Variants in EIF2AK1 observed in about 807,000 individuals in gnomAD.
The protein encoded by EIF2AK1 is eukaryotic translation initiation factor 2 alpha kinase 1.
Under a neutral mutation model 77.9 loss-of-function variants are expected in EIF2AK1, and 54 were observed. The observed-to-expected ratio is 0.69, with a 90% CI of 0.56 to 0.87. EIF2AK1 has a LOEUF of 0.87. Ranked by LOEUF, EIF2AK1 falls within the 40% of genes least tolerant of loss-of-function variation. The pLI is 0.00. For synonymous variants in EIF2AK1, 314 were observed against 290.5 expected, an observed-to-expected ratio of 1.08 and a Z score of -0.82; for missense variants, 810 against 768.6, an observed-to-expected ratio of 1.05 and a Z score of -0.64.
intron 1 of EIF2AK1, chr7:6,058,078 C>T: frequency 2.2e-6 from 1 of 453,128 alleles, no homozygotes; most frequent in South Asian, 1.6e-5. Flanking sequence ...TGCTAAGTAA[C>T]TTAGCTACCC....
chr7:6,035,755 C>T lies in EIF2AK1; in HGVS notation c.1332+1669G>A. 2 of 1,551,102 alleles carry T rather than the reference C, an allele frequency of 1.3e-6. No individual in the cohort carries two copies. The highest frequency in any genetic ancestry group is 1.7e-6 in the Non-Finnish European group (2 of 1,147,128). On this transcript the variant is annotated intron_variant, in intron 11 of 14. Transcript: ENST00000199389. This position sits in a 1 kb window ranked among gnomAD's most constrained non-coding sequence, Gnocchi z 5.5. ...AGCATGACACCCCTTCACATGGCCGCAAACATGCTGAATAAGGAGATGATG... is the reference window on the plus strand; with the variant it reads ...AGCATGACACCCCTTCACATGGCCGTAAACATGCTGAATAAGGAGATGATG...
In EIF2AK1 at chr7:6,036,240, C is replaced by G; in HGVS notation, c.1332+1184G>C. ...AAGGGACACCCTAATAAAGCAATCG[C>G]AAAAACCTTTATCCCTACAGGGTAT... is the stretch of plus-strand genomic sequence containing the variant. On this transcript the variant is annotated intron_variant, in intron 11 of 14. Coordinates refer to ENST00000199389, the MANE Select transcript of EIF2AK1 (RefSeq NM_014413.4). This position sits in a 1 kb window ranked among gnomAD's most constrained non-coding sequence, Gnocchi z 4.6. 1.3e-6 allele frequency: 2 copies of G among 1,549,342 alleles called. No homozygotes were observed. The highest frequency in any genetic ancestry group is 1.7e-6 in the Non-Finnish European group (2 of 1,146,672).
chr7:6,027,822 T>C lies in EIF2AK1; in HGVS notation c.1530+793A>G. On this transcript the variant is annotated intron_variant, in intron 13 of 14. Coordinates refer to ENST00000199389, the MANE Select transcript of EIF2AK1 (RefSeq NM_014413.4). The surrounding 1 kb of genome is among the most constrained non-coding windows in gnomAD (Gnocchi z 4.5). ...GGTTCATGCCTTAATCCCAGCACTT[T>C]GGGAGGCCAAGGGAGGAGAATCATT... The C allele has an allele frequency of 2.9e-6, 1 of 346,836 alleles. No homozygotes were observed. Among genetic ancestry groups the C allele is most frequent in the South Asian group, 2.1e-5 (1 of 47,684 alleles). The allele number at this position is 346,836 out of a possible 1,614,324, so 21.5% of individuals were successfully genotyped here.
At chr7:6,037,827 G>A (rs144770385) in intron 10 of EIF2AK1, among the ~76,000 whole-genome samples, 3 of 151,332 alleles carry the variant, frequency 2.0e-5, no homozygotes, top group Non-Finnish European at 4.4e-5. Context: ...AATAATTCTC[G>A]GGTATCAGGC....
intron 6 of EIF2AK1, among the ~76,000 whole-genome samples, chr7:6,045,230 C>T (rs143374193): frequency 2.0e-5 from 3 of 152,020 alleles, no homozygotes; most frequent in Admixed American, 6.6e-5. Flanking sequence ...CTCAGCCTCC[C>T]GAGCAGCTGG....
intron 1 of EIF2AK1, among the ~76,000 whole-genome samples, chr7:6,057,821 G>A (rs1439328756): frequency 4.6e-5 from 7 of 152,062 alleles, no homozygotes; most frequent in Admixed American, 4.6e-4. Flanking sequence ...GTAGAGAGGG[G>A]GTTTCACCAT....
intron 10 of EIF2AK1, 68 bp downstream of exon 10, chr7:6,038,492 T>C (rs1264810596): frequency 8.6e-7 from 1 of 1,160,640 alleles, no homozygotes; most frequent in Non-Finnish European, 1.2e-6. Context: ...TGGAGGCAAC[T>C]CCTACATGAG....
intron 11 of EIF2AK1, chr7:6,031,445 C>G (rs1050376510): frequency 6.4e-7 from 1 of 1,550,722 alleles, no homozygotes; most frequent in Admixed American, 2.0e-5. Context: ...GGAAGATGGC[C>G]CATCTGCAGC....
chr7:6,041,670 T>C (rs956021963), intron 8 of EIF2AK1, among the ~76,000 whole-genome samples: 1 of 151,162 alleles, frequency 6.6e-6, no homozygotes, highest in Non-Finnish European at 1.5e-5. Flanking sequence ...TGAAACGCCA[T>C]CTCTACTAAA....
At chr7:6,050,249 A>G (rs1205865581) in intron 2 of EIF2AK1, among the ~76,000 whole-genome samples, 1 of 152,198 alleles carries the variant, frequency 6.6e-6, no homozygotes, top group Non-Finnish European at 1.5e-5. Context: ...CAGAGAGTGC[A>G]GTGACAACTA....
chr7:6,053,956 G>C (rs1472567912), intron 2 of EIF2AK1, among the ~76,000 whole-genome samples: 1 of 150,468 alleles, frequency 6.6e-6, no homozygotes, highest in Non-Finnish European at 1.5e-5. Context: ...ACAGGCATGA[G>C]CCACTGCACC....
In EIF2AK1 at chr7:6,027,129, T is replaced by C. The variant is rs533029302; in HGVS notation, c.1531-168A>G. Among the ~76,000 whole-genome samples the C allele has an allele frequency of 7.9e-5, 12 of 152,266 alleles. No homozygotes were observed. In the South Asian group the frequency reaches 2.3e-3, roughly 29 times the overall value. ...GATAGCTCATCAGTGACAGGGACTT[T>C]CACAACCTCAAAAAGGGGCATCCGT... On this transcript the variant is annotated intron_variant, in intron 13 of 14. Transcript: ENST00000199389. This position sits in a 1 kb window ranked among gnomAD's most constrained non-coding sequence, Gnocchi z 4.5.
At chr7:6,043,094 A>T in intron 7 of EIF2AK1, 101 bp from the exon 8 acceptor site, 2 of 1,174,478 alleles carry the variant, frequency 1.7e-6, no homozygotes, top group Non-Finnish European at 2.5e-6. Flanking sequence ...ATGAGACTAC[A>T]AGTCTAAAAA....
intron 1 of EIF2AK1, among the ~76,000 whole-genome samples, chr7:6,056,598 G>GGAAAAAAAAA (rs1554324652): frequency 6.1e-5 from 3 of 48,814 alleles, no homozygotes; most frequent in Non-Finnish European, 1.2e-4. Flanking sequence ...CATCTCAAGG[G>GGAAAAAAAAA]AAAAAAAAAA....
At chr7:6,042,349 G>T (rs1788322008) in intron 8 of EIF2AK1, among the ~76,000 whole-genome samples, 1 of 151,760 alleles carries the variant, frequency 6.6e-6, no homozygotes, top group South Asian at 2.1e-4. Context: ...TTCTAGGGAG[G>T]CTAAGTCAGG....
chr7:6,058,980 T>A lies in EIF2AK1; in HGVS notation c.104A>T (p.Asp35Val). Residue 35 changes from aspartate to valine, a missense_variant, in exon 1 of 15, where the codon GAC becomes GTC. By Grantham distance (152) the Asp-to-Val change is radical. Transcript: ENST00000199389. ...PAIDFPAEGP[D>V]PEYDESDVPA... Reference sequence around the variant, plus strand: ...CGATCCCTCACCGTCATATTCGGGGTCCGGGCCCTCGGCGGGAAAGTCGAT... The same window carrying A: ...CGATCCCTCACCGTCATATTCGGGGACCGGGCCCTCGGCGGGAAAGTCGAT... The A allele has an allele frequency of 6.5e-7, 1 of 1,538,920 alleles. No homozygotes were observed. Among genetic ancestry groups the A allele is most frequent in the Non-Finnish European group, 8.7e-7 (1 of 1,145,788 alleles).
In EIF2AK1 at chr7:6,023,663, T is replaced by G; in HGVS notation, c.*1010A>C. ...AGGTCTTGTGAAAACCTGGCTCCTT[T>G]TAACACGGCCCTCAAGCTCCTTAAG... On this transcript the variant is annotated 3_prime_UTR_variant, in exon 15 of 15. Transcript: ENST00000199389. The G allele has an allele frequency of 6.2e-7, 1 of 1,614,124 alleles. No homozygotes were observed. Among genetic ancestry groups the G allele is most frequent in the Non-Finnish European group, 8.5e-7 (1 of 1,180,022 alleles).
intron 1 of EIF2AK1, among the ~76,000 whole-genome samples, chr7:6,057,776 C>T (rs968964229): frequency 2.6e-5 from 4 of 151,968 alleles, no homozygotes; most frequent in Admixed American, 6.6e-5. Context: ...GGATTACAGG[C>T]GACCGCCACC....
At chr7:6,047,429 C>T (rs979479919) in intron 4 of EIF2AK1, among the ~76,000 whole-genome samples, 1 of 152,082 alleles carries the variant, frequency 6.6e-6, no homozygotes, top group African/African-American at 2.4e-5. Flanking sequence ...AATCCCAGCA[C>T]TTTGGGAGGC....
Sources: gnomAD v4.1 joint callset for allele counts (sites outside exome capture counted in the v4.1 genomes callset) on GRCh38, gnomAD v4.1.1 for gene constraint, Gnocchi (gnomAD v3.1) non-coding constraint, MANE v1.5 for transcripts, NCBI Gene and HGNC (gene_info 2026-07-23, HGNC 2026-07-21) for gene names.